The following RAB19 variants were observed in gnomAD, a reference collection of about 807,000 sequenced individuals.
The protein encoded by RAB19 is ras-related protein Rab-19.
Under a neutral mutation model 17.3 loss-of-function variants are expected in RAB19, and 21 were observed. The ratio of observed to expected loss-of-function variants is 1.21; its 90% CI spans 0.86 to 1.74. The LOEUF (loss-of-function observed/expected upper bound fraction) is 1.74, where lower values mean the gene tolerates loss of function less well. Among genes scored for constraint, RAB19 ranks in the 40% most tolerant of loss-of-function variants. The pLI is 0.00. For missense variants in RAB19, 277 were observed against 286.8 expected (o/e 0.97, Z 0.25); for synonymous variants, 126 against 110.4 (o/e 1.14, Z -0.88).
At chr7:140,424,643 G>A (rs1447816263) in intron 3 of RAB19, among the ~76,000 whole-genome samples, 1 of 132,186 alleles carries the variant, frequency 7.6e-6, no homozygotes, top group African/African-American at 3.3e-5. Flanking sequence ...ATATATATGT[G>A]TGTGTGTATA....
intron 3 of RAB19, among the ~76,000 whole-genome samples, chr7:140,415,691 G>A (rs1274149022): frequency 1.3e-5 from 2 of 152,168 alleles, no homozygotes; most frequent in Non-Finnish European, 2.9e-5. Flanking sequence ...GGTGGCTCAT[G>A]ACTGTAATCT....
intron 3 of RAB19, among the ~76,000 whole-genome samples, chr7:140,419,933 C>G (rs1406599169): frequency 2.0e-5 from 3 of 152,168 alleles, no homozygotes; most frequent in Non-Finnish European, 4.4e-5. Context: ...CGGATATCCT[C>G]TGTTGTGAAA....
intron 3 of RAB19, among the ~76,000 whole-genome samples, chr7:140,414,716 G>A (rs965462546): frequency 3.3e-5 from 5 of 152,116 alleles, no homozygotes; most frequent in Non-Finnish European, 5.9e-5. Flanking sequence ...TGTCCCTCAC[G>A]GAAGTGTCCC....
chr7:140,406,540 T>C (rs1799244364), intron 1 of RAB19, among the ~76,000 whole-genome samples: 1 of 150,834 alleles, frequency 6.6e-6, no homozygotes, highest in African/African-American at 2.4e-5. Flanking sequence ...CTCGGGAGGC[T>C]GAGGCAGGAG....
chr7:140,415,794 A>G (rs1236453946), intron 3 of RAB19, among the ~76,000 whole-genome samples: 1 of 151,466 alleles, frequency 6.6e-6, no homozygotes, highest in Non-Finnish European at 1.5e-5. Context: ...AGTCCCAGCT[A>G]CTCAGGAGGC....
At chr7:140,407,879 CCTTTTTTTTT>C in intron 2 of RAB19, 32 bp downstream of exon 2, 9 of 848,190 alleles carry the variant, frequency 1.1e-5, no homozygotes, top group Admixed American at 2.8e-5. Context: ...ACTGGTTCCA[CCTTTTTTTTT>C]TTTTTTTTTT....
chr7:140,413,627 G>T (rs1348408480), intron 3 of RAB19, among the ~76,000 whole-genome samples: 10 of 152,108 alleles, frequency 6.6e-5, no homozygotes, highest in Admixed American at 4.6e-4. Flanking sequence ...ACTTGAGCCT[G>T]GGAATTTGAG....
At chr7:140,412,717 T>C (rs561462072) in intron 3 of RAB19, among the ~76,000 whole-genome samples, 41 of 151,440 alleles carry the variant, frequency 2.7e-4, no homozygotes, top group Non-Finnish European at 5.6e-4. Flanking sequence ...AGGTGAGTTT[T>C]GTTTTTTAAT....
chr7:140,417,362 A>T (rs1326493676), intron 3 of RAB19, among the ~76,000 whole-genome samples: 2 of 151,596 alleles, frequency 1.3e-5, no homozygotes, highest in African/African-American at 4.9e-5. Flanking sequence ...TGACTGAGCC[A>T]CTGTGCTCCA....
intron 3 of RAB19, among the ~76,000 whole-genome samples, chr7:140,417,861 C>T (rs1314893183): frequency 6.6e-6 from 1 of 152,212 alleles, no homozygotes; most frequent in Non-Finnish European, 1.5e-5. Context: ...CTCCCTCTAC[C>T]TCCCCCTTGT....
intron 3 of RAB19, 64 bp downstream of exon 3, chr7:140,412,121 A>G (rs1799377442): frequency 1.4e-6 from 2 of 1,448,628 alleles, no homozygotes; most frequent in South Asian, 1.2e-5. Context: ...AGCTTTCTGC[A>G]TGTTTCTAAT....
chr7:140,426,084 C>G lies in RAB19; in HGVS notation c.588C>G (p.Leu196=), dbSNP rs148741038. 1 of 1,614,156 alleles carries G rather than the reference C, an allele frequency of 6.2e-7. No homozygotes were observed. The highest frequency in any genetic ancestry group is 8.5e-7 in the Non-Finnish European group (1 of 1,180,040). ...HLYGESALNG[L]PLDSSPVLMA... is the part of the protein sequence containing the mutation. ...ATGGGGAGAGTGCCCTGAACGGCCT[C>G]CCCCTGGACTCCAGCCCCGTTCTTA... is the stretch of plus-strand genomic sequence containing the variant. Residue 196 remains leucine (L), a synonymous_variant, in exon 4 of 4, where the codon CTC becomes CTG. Coordinates refer to ENST00000537763, the MANE Select transcript of RAB19 (RefSeq NM_001008749.3).
intron 3 of RAB19, among the ~76,000 whole-genome samples, chr7:140,417,286 C>T (rs576623121): frequency 7.3e-5 from 11 of 151,428 alleles, no homozygotes; most frequent in Non-Finnish European, 1.5e-4. Flanking sequence ...CCTATAGTCT[C>T]AGCTACTCTG....
At chr7:140,410,175 A>G (rs1170698990) in intron 2 of RAB19, among the ~76,000 whole-genome samples, 1 of 151,582 alleles carries the variant, frequency 6.6e-6, no homozygotes, top group East Asian at 1.9e-4. Flanking sequence ...TTTGTTGCCC[A>G]GATGGAGGGC....
Position 140,412,047 on chromosome 7 carries a change from T to C in RAB19, c.375T>C (p.Ile125=). Residue 125 remains isoleucine, a synonymous_variant, in exon 3 of 4, where the codon ATT becomes ATC. Coordinates refer to ENST00000537763, the MANE Select transcript of RAB19 (RefSeq NM_001008749.3). ...IEKYGAANVV[I]MLIGNKCDLW... is the part of the protein sequence containing the mutation. ...AATATGGAGCTGCAAATGTGGTCATTATGCTGATTGGTATGGCATTTTTGA... is the reference window on the plus strand; with the variant it reads ...AATATGGAGCTGCAAATGTGGTCATCATGCTGATTGGTATGGCATTTTTGA... 6.2e-7 allele frequency: 1 copy of C among 1,611,784 alleles called. No homozygotes were observed.
rs1041707142 is a variant in RAB19 at position 140,426,843 on chromosome 7, T to C, written c.*693T>C. ...CACCTGCAATTTTTTTTCTTTCTTT[T>C]TTTTTTTTTTTTTTTTGAGACAGGG... is the stretch of plus-strand genomic sequence containing the variant. On this transcript the variant is annotated 3_prime_UTR_variant, in exon 4 of 4. Transcript: ENST00000537763. Among the ~76,000 whole-genome samples, 44 of 147,786 alleles carry C rather than the reference T, an allele frequency of 3.0e-4. No homozygotes were observed. Among genetic ancestry groups the C allele is most frequent in the Middle Eastern group, 3.4e-3 (1 of 290 alleles).
Position 140,425,943 on chromosome 7 carries a change from T to G in RAB19, c.447T>G (p.Ala149=). 2.5e-6 allele frequency: 4 copies of G among 1,614,206 alleles called. No individual in the cohort carries two copies. The highest frequency in any genetic ancestry group is 3.4e-6 in the Non-Finnish European group (4 of 1,180,042). ...TGTTCGAGGATGCCTGCACACTGGC[T>G]GAGAAGTACGGCCTCCTGGCCGTTT... ...HVLFEDACTL[A]EKYGLLAVLE... Residue 149 remains alanine (A), a synonymous_variant, in exon 4 of 4, where the codon GCT becomes GCG. Coordinates refer to ENST00000537763, the MANE Select transcript of RAB19 (RefSeq NM_001008749.3).
rs1203757739 is a variant in RAB19, at chr7:140,426,909, T to G, written c.*759T>G. On this transcript the variant is annotated 3_prime_UTR_variant, in exon 4 of 4. Transcript: ENST00000537763. ...CAAGCTGGAGTATAGTGGTGGGATC[T>G]TGGCTCACTGCAACCTCTACCTCCT... Among the ~76,000 whole-genome samples, 1 of 150,590 alleles carries G rather than the reference T, an allele frequency of 6.6e-6. No homozygotes were observed. The highest frequency in any genetic ancestry group is 1.5e-5 in the Non-Finnish European group (1 of 67,764).
chr7:140,408,337 T>C (rs535184066), intron 2 of RAB19, among the ~76,000 whole-genome samples: 4 of 152,048 alleles, frequency 2.6e-5, no homozygotes, highest in African/African-American at 9.6e-5. Context: ...AGGCTTTAAA[T>C]GAGACACGAA....
Sources: gnomAD v4.1 joint callset for allele counts (sites outside exome capture counted in the v4.1 genomes callset) on GRCh38, gnomAD v4.1.1 for gene constraint, MANE v1.5 for transcripts, NCBI Gene and HGNC (gene_info 2026-07-23, HGNC 2026-07-21) for gene names.